Variants in GRID2 observed in about 807,000 individuals in gnomAD.
The protein encoded by GRID2 is glutamate ionotropic receptor delta type subunit 2.
A neutral mutation model predicts 114.8 loss-of-function variants in GRID2; 33 were observed. That is an observed-to-expected ratio of 0.29 (90% CI 0.22 to 0.38). The LOEUF is 0.38. Ranked by LOEUF, GRID2 falls within the 10% of genes least tolerant of loss-of-function variation. The pLI is 1.00. For synonymous variants in GRID2, 505 were observed against 449.9 expected, an observed-to-expected ratio of 1.12 and a Z score of -1.55; for missense variants, 1,184 against 1,257.7, an observed-to-expected ratio of 0.94 and a Z score of 0.89.
intron 2 of GRID2, among the ~76,000 whole-genome samples, chr4:92,883,840 T>C (rs113932237): frequency 0.017 from 2,586 of 152,284 alleles, 24 homozygotes; most frequent in Non-Finnish European, 0.025. Context: ...GTTCCATTTA[T>C]AGAACACATG....
intron 1 of GRID2, among the ~76,000 whole-genome samples, chr4:92,477,082 T>C (rs949782266): frequency 4.7e-5 from 7 of 148,304 alleles, no homozygotes; most frequent in Non-Finnish European, 1.0e-4. Flanking sequence ...TGTGTGTGTG[T>C]GTGTGTGTGT....
chr4:92,603,144 C>T (rs906798640), intron 2 of GRID2, among the ~76,000 whole-genome samples: 1 of 152,088 alleles, frequency 6.6e-6, no homozygotes, highest in Non-Finnish European at 1.5e-5. Flanking sequence ...TGTATAGATT[C>T]AATGCTATTC....
At chr4:92,680,811 A>G (rs1733614002) in intron 2 of GRID2, among the ~76,000 whole-genome samples, 1 of 152,222 alleles carries the variant, frequency 6.6e-6, no homozygotes, top group Non-Finnish European at 1.5e-5. Flanking sequence ...AAAGAGAATC[A>G]CAAAAGAAAA....
chr4:93,228,517 C>T (rs1365778030), intron 7 of GRID2, among the ~76,000 whole-genome samples: 1 of 151,952 alleles, frequency 6.6e-6, no homozygotes, highest in Admixed American at 6.6e-5. Context: ...TCTTCTTTGC[C>T]AAGGATAATT....
chr4:93,772,113 G>A lies in GRID2; in HGVS notation c.2639G>A (p.Arg880His), dbSNP rs757011419. Residue 880 changes from arginine (R) to histidine (H), a missense_variant, in exon 16 of 16, where the codon CGT (arginine) becomes CAT (histidine). Around this residue, in one of 3 missense-constraint regions of GRID2, gnomAD observed 717 missense variants for 796.9 expected, o/e 0.90. Transcript: ENST00000282020. ...KEIDLEHLHR[R>H]VNSLCTDDDS... is the part of the protein sequence containing the mutation. Reference sequence around the variant, plus strand: ...ATTGACCTGGAGCACCTCCATAGACGTGTAAATAGCTTGTGCACAGATGAC... The same window carrying A: ...ATTGACCTGGAGCACCTCCATAGACATGTAAATAGCTTGTGCACAGATGAC... The A allele has an allele frequency of 8.7e-6, 14 of 1,612,374 alleles. No homozygotes were observed. The highest frequency in any genetic ancestry group is 1.1e-5 in the Non-Finnish European group (13 of 1,178,678).
At chr4:92,720,263 A>C (rs1243679625) in intron 2 of GRID2, among the ~76,000 whole-genome samples, 2 of 152,078 alleles carry the variant, frequency 1.3e-5, no homozygotes, top group Non-Finnish European at 2.9e-5. Flanking sequence ...GAGAAAAATT[A>C]TTTGAATTTT....
chr4:92,642,285 C>A (rs972567290), intron 2 of GRID2, among the ~76,000 whole-genome samples: 1 of 151,804 alleles, frequency 6.6e-6, no homozygotes, highest in Non-Finnish European at 1.5e-5. Flanking sequence ...ATTCAGCTTT[C>A]TCCACACCCT....
chr4:93,757,713 T>G (rs1355808894), intron 14 of GRID2, among the ~76,000 whole-genome samples: 1 of 152,220 alleles, frequency 6.6e-6, no homozygotes, highest in Admixed American at 6.5e-5. Flanking sequence ...CCCAGCACTT[T>G]GGGAGGCAGA....
In GRID2 at chr4:93,053,517, T is replaced by C. The variant is rs533821301; in HGVS notation, c.245-31478T>C. ...TCTCTCCTTCGAAGGCACAGACTTA[T>C]CAAAGTCTCATTGAATACTGAAGGG... is the stretch of plus-strand genomic sequence containing the variant. On this transcript the variant is annotated intron_variant, in intron 2 of 15. Transcript: ENST00000282020. 3.4e-4 allele frequency among the ~76,000 whole-genome samples: 51 copies of C among 152,098 alleles called. No homozygotes were observed. The South Asian group carries it at 0.01, about 30-fold the overall frequency.
intron 8 of GRID2, among the ~76,000 whole-genome samples, chr4:93,354,819 TATA>T (rs1761165686): frequency 6.9e-6 from 1 of 145,498 alleles, no homozygotes; most frequent in Non-Finnish European, 1.5e-5. Flanking sequence ...AAATAAGATA[TATA>T]TATATATATA....
chr4:92,990,288 T>C (rs1236384524), intron 2 of GRID2, among the ~76,000 whole-genome samples: 1 of 7,386 alleles, frequency 1.4e-4, no homozygotes, highest in African/African-American at 2.3e-4. Context: ...TATGTGTGTG[T>C]ATATATATAT....
At chr4:93,002,160 C>T (rs1426390330) in intron 2 of GRID2, among the ~76,000 whole-genome samples, 4 of 151,422 alleles carry the variant, frequency 2.6e-5, no homozygotes, top group African/African-American at 9.7e-5. Context: ...CTATTTTCCT[C>T]AATCTTACAA....
chr4:93,677,063 T>G (rs933773127), intron 14 of GRID2, among the ~76,000 whole-genome samples: 3 of 151,782 alleles, frequency 2.0e-5, no homozygotes, highest in African/African-American at 7.3e-5. Context: ...GAAAATCGGG[T>G]CACTCCCACC....
At chr4:93,628,608 G>T (rs1225463489) in intron 14 of GRID2, among the ~76,000 whole-genome samples, 1 of 152,046 alleles carries the variant, frequency 6.6e-6, no homozygotes, top group Non-Finnish European at 1.5e-5. Flanking sequence ...GAATGAAAAG[G>T]GATCCAGGGT....
chr4:93,448,936 C>T (rs1224965804), intron 10 of GRID2, among the ~76,000 whole-genome samples: 3 of 103,090 alleles, frequency 2.9e-5, no homozygotes. Flanking sequence ...CTTCCCCTTC[C>T]CCTTCCCTTT....
At chr4:92,774,577 CTTTTTTTTT>C (rs1166044188) in intron 2 of GRID2, among the ~76,000 whole-genome samples, 3 of 106,368 alleles carry the variant, frequency 2.8e-5, no homozygotes, top group African/African-American at 1.1e-4. Flanking sequence ...TTTTTCTTTC[CTTTTTTTTT>C]TTTTTTTTTT....
chr4:93,654,372 G>A lies in GRID2; in HGVS notation c.2360+27937G>A, dbSNP rs145245866. Among the ~76,000 whole-genome samples, 640 of 152,236 alleles carry A rather than the reference G, an allele frequency of 4.2e-3. 4 individuals carry two copies. Among genetic ancestry groups the A allele is most frequent in the African/African-American group, 0.014 (577 of 41,556 alleles). On this transcript the variant is annotated intron_variant, in intron 14 of 15. Transcript: ENST00000282020. ...ACTGGCACTAAGAGCTTTCAGGGCC[G>A]AGTTCTGATGCTGTATTTAGTTCAT...
At chr4:93,275,932 T>C (rs1448887927) in intron 8 of GRID2, among the ~76,000 whole-genome samples, 3 of 151,996 alleles carry the variant, frequency 2.0e-5, no homozygotes, top group Non-Finnish European at 4.4e-5. Flanking sequence ...TTCACTTCCT[T>C]GATGTTATCA....
chr4:93,473,675 T>C (rs1725052672), intron 11 of GRID2, among the ~76,000 whole-genome samples: 1 of 152,176 alleles, frequency 6.6e-6, no homozygotes, highest in South Asian at 2.1e-4. Context: ...ATGTGTATTG[T>C]TGGTGTTTAT....
Sources: allele counts gnomAD v4.1 joint callset (sites outside exome capture counted in the v4.1 genomes callset), GRCh38; gene constraint gnomAD v4.1.1; regional missense constraint gnomAD v4.1.1; transcripts MANE v1.5; gene names NCBI Gene and HGNC (gene_info 2026-07-23, HGNC 2026-07-21).